OSBPL6: variants seen among roughly 807,000 people sequenced by gnomAD.
The protein encoded by OSBPL6 is oxysterol binding protein like 6.
In OSBPL6, 49 loss-of-function variants were observed where a neutral mutation model predicts 125.8. That is an observed-to-expected ratio of 0.39 (90% CI 0.31 to 0.49). OSBPL6 has a LOEUF of 0.49. OSBPL6 is among the 20% of genes least tolerant of loss of function. OSBPL6 has a pLI of 0.88. For synonymous variants in OSBPL6, 394 were observed against 391.8 expected (o/e 1.01, Z -0.07); for missense variants, 986 against 1,135.4 (o/e 0.87, Z 1.89).
intron 1 of OSBPL6, among the ~76,000 whole-genome samples, chr2:178,200,453 T>C (rs1306167988): frequency 6.6e-6 from 1 of 152,048 alleles, no homozygotes; most frequent in African/African-American, 2.4e-5. Context: ...GGTTTCACCA[T>C]GTTGGCCAGA....
intron 2 of OSBPL6, among the ~76,000 whole-genome samples, chr2:178,292,571 A>G (rs1685384059): frequency 6.6e-6 from 1 of 152,164 alleles, no homozygotes; most frequent in Non-Finnish European, 1.5e-5. Flanking sequence ...GTCTTTTATC[A>G]TGTGTCTTAC....
chr2:178,240,746 C>T (rs1033561970), intron 1 of OSBPL6, among the ~76,000 whole-genome samples: 3 of 152,042 alleles, frequency 2.0e-5, no homozygotes, highest in African/African-American at 4.8e-5. Context: ...GAACAAGACT[C>T]CTTCTCAAAA....
At chr2:178,206,447 C>T (rs529907724) in intron 1 of OSBPL6, among the ~76,000 whole-genome samples, 15 of 152,222 alleles carry the variant, frequency 9.9e-5, no homozygotes, top group Non-Finnish European at 2.2e-4. Context: ...TGTCACATAA[C>T]CTGTATATTT....
intron 1 of OSBPL6, among the ~76,000 whole-genome samples, chr2:178,238,791 T>A (rs1374428161): frequency 6.6e-6 from 1 of 152,136 alleles, no homozygotes; most frequent in Non-Finnish European, 1.5e-5. Context: ...CCACTGGGGA[T>A]CTTGGAACAT....
At chr2:178,238,576 G>A (rs1466700795) in intron 1 of OSBPL6, among the ~76,000 whole-genome samples, 5 of 152,092 alleles carry the variant, frequency 3.3e-5, no homozygotes, top group Non-Finnish European at 5.9e-5. Flanking sequence ...TGGTAAGAAC[G>A]AATCTTCTAT....
At chr2:178,224,229 T>C (rs970765873) in intron 1 of OSBPL6, among the ~76,000 whole-genome samples, 1 of 152,126 alleles carries the variant, frequency 6.6e-6, no homozygotes, top group Admixed American at 6.5e-5. Flanking sequence ...AAGAGAAGGT[T>C]GCATTGAAGC....
At chr2:178,378,672 CTGTT>C (rs1169854305) in intron 15 of OSBPL6, among the ~76,000 whole-genome samples, 1 of 152,206 alleles carries the variant, frequency 6.6e-6, no homozygotes, top group Non-Finnish European at 1.5e-5. Context: ...AGAGGACAAA[CTGTT>C]TGATTACAAT....
At chr2:178,366,025 G>A (rs543633549) in intron 13 of OSBPL6, among the ~76,000 whole-genome samples, 4 of 152,240 alleles carry the variant, frequency 2.6e-5, no homozygotes, top group Admixed American at 2.6e-4. Context: ...CAACTAGCTG[G>A]TATTACAGGC....
chr2:178,331,900 C>T (rs995448503), intron 6 of OSBPL6, among the ~76,000 whole-genome samples: 1 of 152,160 alleles, frequency 6.6e-6, no homozygotes, highest in Non-Finnish European at 1.5e-5. Flanking sequence ...TTTTTTCCTC[C>T]ATCTTCCAAT....
rs113269471 is a variant in OSBPL6, at chr2:178,315,437, T to C, written c.103-8740T>C. The stretch of plus-strand genomic sequence containing the variant: ...GACAGTATTTGGAATGTAGTAAATA[T>C]GACAAAAGTGTCAGCAAATATTAAA... On this transcript the variant is annotated intron_variant, in intron 3 of 24. Coordinates refer to ENST00000190611, the MANE Select transcript of OSBPL6 (RefSeq NM_032523.4). Among the ~76,000 whole-genome samples, 307 of 152,342 alleles carry C rather than the reference T, an allele frequency of 2.0e-3. 2 individuals are homozygous for C. Among genetic ancestry groups the C allele is most frequent in the African/African-American group, 7.0e-3 (290 of 41,576 alleles).
At chr2:178,279,463 T>G (rs1211592403) in intron 1 of OSBPL6, among the ~76,000 whole-genome samples, 1 of 152,260 alleles carries the variant, frequency 6.6e-6, no homozygotes, top group African/African-American at 2.4e-5. Context: ...CACTGGCTAG[T>G]ACTGGTTAGT....
At chr2:178,287,509 G>A (rs1185715866) in intron 2 of OSBPL6, among the ~76,000 whole-genome samples, 4 of 152,182 alleles carry the variant, frequency 2.6e-5, no homozygotes, top group African/African-American at 9.7e-5. Flanking sequence ...TCGTGCATGA[G>A]TCCCTTTGAG....
intron 15 of OSBPL6, among the ~76,000 whole-genome samples, chr2:178,381,323 C>T (rs1694456021): frequency 1.3e-5 from 2 of 152,230 alleles, no homozygotes; most frequent in East Asian, 1.9e-4. Context: ...TGCGTCTCTC[C>T]CCATTGTCAC....
chr2:178,226,437 TG>T lies in OSBPL6; in HGVS notation c.-351+31767del, dbSNP rs201391661. 2.6e-5 allele frequency among the ~76,000 whole-genome samples: 4 copies of T among 152,312 alleles called. No homozygotes were observed. The East Asian group carries it at 7.7e-4, about 29-fold the overall frequency. On this transcript the variant is annotated intron_variant, in intron 1 of 24. Coordinates refer to ENST00000190611, the MANE Select transcript of OSBPL6 (RefSeq NM_032523.4). ...GGCAGAGAAGGCTAGACAATGGGTC[TG>T]GGGTGGGAAGAGGCAAATGAATAAG... is the stretch of plus-strand genomic sequence containing the variant.
At position 178,342,695 on chromosome 2, in the gene OSBPL6, C is replaced by T. The variant is rs367803847; in HGVS notation, c.987+2931C>T. Among the ~76,000 whole-genome samples, 31 of 152,256 alleles carry T rather than the reference C, an allele frequency of 2.0e-4. No homozygotes were observed. In the South Asian group the frequency reaches 6.4e-3, roughly 32 times the overall value. On this transcript the variant is annotated intron_variant, in intron 11 of 24. Coordinates refer to ENST00000190611, the MANE Select transcript of OSBPL6 (RefSeq NM_032523.4). Reference sequence around the variant, plus strand: ...AAATCTCAGTACCATTATGCAGTAACAATTTGGCTGTGTTTTAAATGAAGT... The same window carrying T: ...AAATCTCAGTACCATTATGCAGTAATAATTTGGCTGTGTTTTAAATGAAGT...
At chr2:178,351,867 A>G (rs1294763064) in intron 12 of OSBPL6, among the ~76,000 whole-genome samples, 2 of 152,268 alleles carry the variant, frequency 1.3e-5, no homozygotes, top group Admixed American at 6.5e-5. Flanking sequence ...AGGGAGAGGA[A>G]CAGAGAAGAT....
chr2:178,306,373 A>C, intron 3 of OSBPL6, 87 bp downstream of exon 3: 2 of 834,548 alleles, frequency 2.4e-6, no homozygotes, highest in Non-Finnish European at 4.0e-6. Context: ...TAATTCTGAA[A>C]TTTTGTTGTA....
chr2:178,338,943 C>G (rs1434086), intron 9 of OSBPL6, 48 bp from the exon 10 acceptor site: 2 of 1,366,166 alleles, frequency 1.5e-6, no homozygotes, highest in Admixed American at 3.6e-5. Flanking sequence ...CCATCCCCAC[C>G]GCTCCCTACC....
At chr2:178,282,798 C>T (rs992812572) in intron 1 of OSBPL6, among the ~76,000 whole-genome samples, 11 of 152,086 alleles carry the variant, frequency 7.2e-5, no homozygotes, top group Non-Finnish European at 1.5e-4. Flanking sequence ...ATTATAGGTG[C>T]CTGCCACCAT....
Sources: gnomAD v4.1 joint callset for allele counts (sites outside exome capture counted in the v4.1 genomes callset) on GRCh38, gnomAD v4.1.1 for gene constraint, MANE v1.5 for transcripts, NCBI Gene and HGNC (gene_info 2026-07-23, HGNC 2026-07-21) for gene names.